The following DGAT2 variants were observed in gnomAD, a reference collection of about 807,000 sequenced individuals.
The protein encoded by DGAT2 is diacylglycerol O-acyltransferase 2, also known as acyl-CoA retinol O-fatty-acyltransferase.
DGAT2 carries 33 observed loss-of-function variants against 48.4 expected under a neutral mutation model. That is an observed-to-expected ratio of 0.68 (90% CI 0.52 to 0.91). The LOEUF (loss-of-function observed/expected upper bound fraction) is 0.91. Among genes scored for constraint, DGAT2 ranks in the 40% least tolerant of loss-of-function variants. The pLI is 0.00. For synonymous variants in DGAT2, 191 were observed against 194.1 expected, an observed-to-expected ratio of 0.98 and a Z score of 0.13; for missense variants, 446 against 493.7, an observed-to-expected ratio of 0.90 and a Z score of 0.92.
At chr11:75,785,242 G>A (rs1375537001) in intron 2 of DGAT2, among the ~76,000 whole-genome samples, 5 of 152,200 alleles carry the variant, frequency 3.3e-5, no homozygotes, top group Non-Finnish European at 7.3e-5. Context: ...CTCATTTTGA[G>A]TGTGAGGAAA....
chr11:75,792,245 C>G (rs1324043925), intron 4 of DGAT2: 1 of 152,292 alleles, frequency 6.6e-6, no homozygotes, highest in Non-Finnish European at 1.5e-5. Flanking sequence ...AAGAAGTCAG[C>G]TGGGAGTTGG....
At chr11:75,790,023 C>T (rs1944967432) in intron 2 of DGAT2, among the ~76,000 whole-genome samples, 165 bp from the exon 3 acceptor site, 1 of 152,212 alleles carries the variant, frequency 6.6e-6, no homozygotes, top group South Asian at 2.1e-4. Context: ...CTGCTCCTAC[C>T]TGGGCTGAAC....
At chr11:75,771,471 T>C (rs1311066801) in intron 1 of DGAT2, among the ~76,000 whole-genome samples, 1 of 151,656 alleles carries the variant, frequency 6.6e-6, no homozygotes, top group Admixed American at 6.6e-5. Flanking sequence ...CTCCAAAGAG[T>C]GAGGCCAGGA....
At chr11:75,784,833 G>A (rs891248874) in intron 2 of DGAT2, 87 bp downstream of exon 2, 7 of 1,570,202 alleles carry the variant, frequency 4.5e-6, no homozygotes, top group African/African-American at 1.4e-5. Context: ...CTCTACAGGG[G>A]TGAGGGAATA....
At chr11:75,769,188 A>G in intron 1 of DGAT2, 76 bp downstream of exon 1, 3 of 1,465,462 alleles carry the variant, frequency 2.0e-6, no homozygotes, top group South Asian at 1.3e-5. Context: ...GCTGGTGGGT[A>G]CTGATGAGTC....
intron 1 of DGAT2, chr11:75,776,592 A>C (rs1348839057): frequency 2.6e-5 from 4 of 152,240 alleles, no homozygotes; most frequent in African/African-American, 9.6e-5. Context: ...GAGGCACTGC[A>C]GTGAAGTCCC....
intron 4 of DGAT2, among the ~76,000 whole-genome samples, chr11:75,791,808 G>T (rs780481328): frequency 3.9e-5 from 6 of 152,170 alleles, no homozygotes; most frequent in Non-Finnish European, 5.9e-5. Context: ...CCTGTCCAGT[G>T]CAGGGCTGTG....
In DGAT2 at chr11:75,797,352, C is replaced by A; in HGVS notation, c.809+20C>A. 1.4e-6 allele frequency: 2 copies of A among 1,437,750 alleles called. No homozygotes were observed. Among genetic ancestry groups the A allele is most frequent in the Non-Finnish European group, 1.8e-6 (2 of 1,088,418 alleles). The allele number at this position is 1,437,750 out of a possible 1,614,324, so 89.1% of individuals were successfully genotyped here. A position where few individuals can be genotyped will look rare whatever the true frequency, so the allele number is the denominator to read the frequency against. ...TCATGGGTGAGTGCCTCCCTACACA[C>A]ACACACACCCCTCCAGTGCCCCTCA... is the stretch of plus-strand genomic sequence containing the variant. On this transcript the variant is annotated intron_variant, in intron 6 of 7. Coordinates refer to ENST00000228027, the MANE Select transcript of DGAT2 (RefSeq NM_032564.5).
At chr11:75,780,859 G>A (rs1944856066) in intron 1 of DGAT2, among the ~76,000 whole-genome samples, 1 of 152,246 alleles carries the variant, frequency 6.6e-6, no homozygotes, top group Non-Finnish European at 1.5e-5. Flanking sequence ...CAAGGGCATG[G>A]AGGGTCTCCC....
At chr11:75,774,448 C>T (rs999896821) in intron 1 of DGAT2, among the ~76,000 whole-genome samples, 43 of 152,222 alleles carry the variant, frequency 2.8e-4, no homozygotes, top group African/African-American at 1.0e-3. Context: ...AACACAAACT[C>T]CTTTTCTTAT....
chr11:75,782,862 G>A (rs1023675795), intron 1 of DGAT2, among the ~76,000 whole-genome samples: 2 of 152,192 alleles, frequency 1.3e-5, no homozygotes, highest in African/African-American at 2.4e-5. Context: ...GCCGCCTACT[G>A]CCTGGGTAGC....
intron 4 of DGAT2, chr11:75,793,358 C>T (rs1378863820): frequency 6.6e-6 from 1 of 152,184 alleles, no homozygotes; most frequent in African/African-American, 2.4e-5. Context: ...TGCACTGTGT[C>T]CCAAGGCACC....
intron 1 of DGAT2, among the ~76,000 whole-genome samples, chr11:75,779,918 C>T (rs1005620939): frequency 3.3e-5 from 5 of 152,222 alleles, no homozygotes; most frequent in African/African-American, 4.8e-5. Context: ...ATAGCTGCCT[C>T]TGAGGCTGCT....
chr11:75,774,067 GCTGGATCCAGGC>G (rs1316867619), intron 1 of DGAT2: 1 of 152,330 alleles, frequency 6.6e-6, no homozygotes, highest in Non-Finnish European at 1.5e-5. Context: ...CAGAGAGGAT[GCTGGATCCAGGC>G]CTGTGGTGGC....
chr11:75,776,287 CCTT>C (rs1944802697), intron 1 of DGAT2: 3 of 152,236 alleles, frequency 2.0e-5, no homozygotes, highest in African/African-American at 4.8e-5. Flanking sequence ...CGATCGAGCA[CCTT>C]CTCTGCGCCT....
intron 7 of DGAT2, among the ~76,000 whole-genome samples, chr11:75,798,786 A>G (rs1818897705): frequency 6.6e-6 from 1 of 152,184 alleles, no homozygotes; most frequent in Admixed American, 6.5e-5. Context: ...CCCAGGGAGG[A>G]GGTAACTCTT....
rs140030272 is a variant in DGAT2 at position 75,782,295 on chromosome 11, C to G, written c.122-2323C>G. On this transcript the variant is annotated intron_variant, in intron 1 of 7. Transcript: ENST00000228027. ...TCTTGTTAAAATGCAGATTTTGATT[C>G]AGTAAATCCAGTCTGGAGCCCAAAG... Among the ~76,000 whole-genome samples, 217 of 151,272 alleles carry G rather than the reference C, an allele frequency of 1.4e-3. 2 individuals carry two copies. Among genetic ancestry groups the G allele is most frequent in the African/African-American group, 5.2e-3 (212 of 40,596 alleles).
At chr11:75,789,930 A>G (rs1258744101) in intron 2 of DGAT2, among the ~76,000 whole-genome samples, 1 of 152,232 alleles carries the variant, frequency 6.6e-6, no homozygotes, top group East Asian at 1.9e-4. Context: ...GCTCCTGTCC[A>G]GATAACATGG....
At chr11:75,773,229 T>A (rs564697703) in intron 1 of DGAT2, among the ~76,000 whole-genome samples, 8 of 152,334 alleles carry the variant, frequency 5.3e-5, no homozygotes, top group African/African-American at 1.9e-4. Context: ...TCTGTCCCTG[T>A]AACCACCTGT....
Sources: gnomAD v4.1 joint callset for allele counts (sites outside exome capture counted in the v4.1 genomes callset) on GRCh38, gnomAD v4.1.1 for gene constraint, MANE v1.5 for transcripts, NCBI Gene and HGNC (gene_info 2026-07-23, HGNC 2026-07-21) for gene names.